Variants in RNF220 observed in about 807,000 individuals in gnomAD.
RNF220 encodes E3 ubiquitin-protein ligase RNF220.
Under a neutral mutation model 67.1 loss-of-function variants are expected in RNF220, and 7 were observed. The observed-to-expected ratio is 0.10, with a 90% CI of 0.06 to 0.20. RNF220 has a LOEUF of 0.20. Ranked by LOEUF, RNF220 falls within the 10% of genes least tolerant of loss-of-function variation. The pLI is 1.00. For synonymous variants in RNF220, 270 were observed against 283.2 expected (o/e 0.95, Z 0.47); for missense variants, 565 against 740.3 (o/e 0.76, Z 2.75).
chr1:44,550,035 C>A (rs1465005172), intron 2 of RNF220, among the ~76,000 whole-genome samples: 1 of 152,224 alleles, frequency 6.6e-6, no homozygotes, highest in Admixed American at 6.5e-5. Context: ...TAGAGCCAAG[C>A]GGAGTTGGGA....
chr1:44,438,285 T>C (rs905016926), intron 2 of RNF220, among the ~76,000 whole-genome samples: 1 of 152,020 alleles, frequency 6.6e-6, no homozygotes, highest in Non-Finnish European at 1.5e-5. Context: ...TACACCTGAC[T>C]AATTAAAAAA....
intron 5 of RNF220, chr1:44,631,989 G>A (rs1644146843): frequency 2.0e-6 from 2 of 1,006,170 alleles, no homozygotes; most frequent in Middle Eastern, 4.9e-4. Context: ...GGCCGCCGCC[G>A]CCGCTTGGAG....
intron 2 of RNF220, among the ~76,000 whole-genome samples, chr1:44,575,638 G>C (rs997376098): frequency 6.6e-6 from 1 of 152,128 alleles, no homozygotes; most frequent in Non-Finnish European, 1.5e-5. Flanking sequence ...TTATTAAAAA[G>C]ACAAAAAGTA....
At chr1:44,495,513 A>T (rs1657262612) in intron 2 of RNF220, among the ~76,000 whole-genome samples, 1 of 152,230 alleles carries the variant, frequency 6.6e-6, no homozygotes, top group Non-Finnish European at 1.5e-5. Flanking sequence ...AAGGGAACGT[A>T]ACCTAATTTA....
At chr1:44,449,396 A>T (rs993526616) in intron 2 of RNF220, among the ~76,000 whole-genome samples, 6 of 152,122 alleles carry the variant, frequency 3.9e-5, no homozygotes, top group African/African-American at 1.4e-4. Flanking sequence ...ACGCCATCTC[A>T]GCTAAAGAGT....
At chr1:44,630,084 G>C (rs1196179603) in intron 5 of RNF220, among the ~76,000 whole-genome samples, 1 of 152,166 alleles carries the variant, frequency 6.6e-6, no homozygotes, top group Non-Finnish European at 1.5e-5. Context: ...TGAAACCAGG[G>C]GGTATTGGTT....
At chr1:44,555,013 A>G (rs988321115) in intron 2 of RNF220, among the ~76,000 whole-genome samples, 3 of 152,110 alleles carry the variant, frequency 2.0e-5, no homozygotes, top group Non-Finnish European at 2.9e-5. Context: ...CCCTTGCTTA[A>G]CTTTCTTCAA....
chr1:44,487,106 G>A (rs938225123), intron 2 of RNF220, among the ~76,000 whole-genome samples: 7 of 152,140 alleles, frequency 4.6e-5, no homozygotes, highest in Admixed American at 1.3e-4. Flanking sequence ...AGGCTGAGGC[G>A]GGCAGATCAT....
In RNF220 at chr1:44,651,175, T is replaced by G. The variant is rs530905230; in HGVS notation, c.*400T>G. On this transcript the variant is annotated 3_prime_UTR_variant, in exon 15 of 15. Coordinates refer to ENST00000361799, the MANE Select transcript of RNF220 (RefSeq NM_018150.4). ...GACCGTGTATGTTTACAATGTTGTG[T>G]ATAAATGGGACAACTCCTCGCCCTC... is the stretch of plus-strand genomic sequence containing the variant. The G allele has an allele frequency of 2.6e-5, 6 of 230,384 alleles. No individual in the cohort carries two copies. The East Asian group carries it at 5.5e-4, about 21-fold the overall frequency. 14.3% of individuals were successfully genotyped at this position (230,384 alleles called of 1,614,324 possible).
At chr1:44,641,117 G>A (rs918616633) in intron 8 of RNF220, among the ~76,000 whole-genome samples, 2 of 151,936 alleles carry the variant, frequency 1.3e-5, no homozygotes, top group African/African-American at 4.8e-5. Flanking sequence ...TTTATAAAAC[G>A]TAGACCTGTG....
chr1:44,405,392 G>A lies in RNF220; in HGVS notation c.-256G>A, dbSNP rs772131489. 3.2e-6 allele frequency: 2 copies of A among 629,430 alleles called. No homozygotes were observed. Among genetic ancestry groups the A allele is most frequent in the Admixed American group, 2.4e-5 (1 of 41,552 alleles). The allele number at this position is 629,430 out of a possible 1,614,324, so 39.0% of individuals were successfully genotyped here. A position where few individuals can be genotyped will look rare whatever the true frequency, so the allele number is the denominator to read the frequency against. On this transcript the variant is annotated 5_prime_UTR_variant, in exon 1 of 15. Transcript: ENST00000361799. ...CCAGCCGCCTACTGCTGCTGCTGCT[G>A]CTGCCGCTGCCGCCGCCGCCGCCGC...
At position 44,405,470 on chromosome 1, in the gene RNF220, C is replaced by T. The variant is rs916574569; in HGVS notation, c.-178C>T. 3.7e-6 allele frequency: 2 copies of T among 541,754 alleles called. No individual in the cohort carries two copies. Among genetic ancestry groups the T allele is most frequent in the South Asian group, 2.2e-5 (1 of 44,896 alleles). 33.6% of individuals were successfully genotyped at this position (541,754 alleles called of 1,614,324 possible). Reference sequence around the variant, plus strand: ...GGGACTTTTCATGCACCACACTCTCCGCCTGCTTCCCTCCGTGTCCTGAAA... The same window carrying T: ...GGGACTTTTCATGCACCACACTCTCTGCCTGCTTCCCTCCGTGTCCTGAAA... On this transcript the variant is annotated 5_prime_UTR_variant, in exon 1 of 15. Coordinates refer to ENST00000361799, the MANE Select transcript of RNF220 (RefSeq NM_018150.4).
chr1:44,468,271 A>T (rs1372080384), intron 2 of RNF220, among the ~76,000 whole-genome samples: 1 of 152,132 alleles, frequency 6.6e-6, no homozygotes, highest in Non-Finnish European at 1.5e-5. Flanking sequence ...AGACATTCGC[A>T]TATATTGCTA....
intron 2 of RNF220, among the ~76,000 whole-genome samples, chr1:44,544,960 C>T (rs1194188607): frequency 6.6e-6 from 1 of 152,212 alleles, no homozygotes; most frequent in Non-Finnish European, 1.5e-5. Flanking sequence ...TTAATGCAAC[C>T]AGGAAATACT....
chr1:44,633,527 CTG>C (rs983849308), intron 6 of RNF220, among the ~76,000 whole-genome samples: 8 of 152,206 alleles, frequency 5.3e-5, no homozygotes, highest in Non-Finnish European at 1.2e-4. Context: ...AAAACCAAAC[CTG>C]CCTTCCTTCT....
At chr1:44,615,071 G>T (rs1446984263) in intron 3 of RNF220, among the ~76,000 whole-genome samples, 1 of 152,126 alleles carries the variant, frequency 6.6e-6, no homozygotes, top group Admixed American at 6.5e-5. Flanking sequence ...CATGTCTGGG[G>T]GTTGATGCTG....
intron 2 of RNF220, among the ~76,000 whole-genome samples, chr1:44,542,014 A>G (rs114138145): frequency 0.025 from 3,764 of 152,254 alleles, 63 homozygotes; most frequent in Non-Finnish European, 0.035. Context: ...GGCTTGACCT[A>G]ACTAAGCCTT....
chr1:44,426,588 A>C (rs768906340), intron 2 of RNF220, among the ~76,000 whole-genome samples: 8 of 152,052 alleles, frequency 5.3e-5, no homozygotes, highest in Admixed American at 5.2e-4. Context: ...TTAGTCAGGC[A>C]TGGTGGCACA....
rs181932612 is a variant in RNF220 at position 44,449,761 on chromosome 1, C to T, written c.625+37039C>T. ...CAGATTATGATTCATTCAACATACA[C>T]TTATGTGACATCTACCGAATACCTA... On this transcript the variant is annotated intron_variant, in intron 2 of 14. Coordinates refer to ENST00000361799, the MANE Select transcript of RNF220 (RefSeq NM_018150.4). 1.1e-3 allele frequency among the ~76,000 whole-genome samples: 162 copies of T among 152,290 alleles called. 1 individual carries two copies. The highest frequency in any genetic ancestry group is 1.7e-3 in the Non-Finnish European group (114 of 68,028).
Sources: gnomAD v4.1 joint callset for allele counts (sites outside exome capture counted in the v4.1 genomes callset) on GRCh38, gnomAD v4.1.1 for gene constraint, MANE v1.5 for transcripts, NCBI Gene and HGNC (gene_info 2026-07-23, HGNC 2026-07-21) for gene names.